PPP4R3B: variants seen among roughly 807,000 people sequenced by gnomAD.
PPP4R3B encodes protein phosphatase 4 regulatory subunit 3B.
PPP4R3B carries 52 observed loss-of-function variants against 95.4 expected under a neutral mutation model. The observed-to-expected ratio is 0.54, with a 90% CI of 0.44 to 0.69. The LOEUF (loss-of-function observed/expected upper bound fraction) is 0.69, where lower values mean the gene tolerates loss of function less well. PPP4R3B is among the 30% of genes least tolerant of loss of function. The pLI is 0.00. For missense variants in PPP4R3B, 1,003 were observed against 1,005.9 expected (o/e 1.00, Z 0.04); for synonymous variants, 407 against 343.9 (o/e 1.18, Z -2.03).
At chr2:55,596,878 C>T (rs556813859) in intron 4 of PPP4R3B, among the ~76,000 whole-genome samples, 5 of 152,108 alleles carry the variant, frequency 3.3e-5, no homozygotes, top group South Asian at 2.1e-4. Context: ...GCAGGAGAAT[C>T]GCTTGAACCC....
intron 13 of PPP4R3B, among the ~76,000 whole-genome samples, chr2:55,565,485 TAGAGGGC>T (rs1269927577): frequency 6.6e-6 from 1 of 152,044 alleles, no homozygotes; most frequent in African/African-American, 2.4e-5. Flanking sequence ...CACGGCTGGT[TAGAGGGC>T]AGATGTTAAA....
At chr2:55,555,274 C>T (rs1204741625) in intron 16 of PPP4R3B, among the ~76,000 whole-genome samples, 6 of 107,160 alleles carry the variant, frequency 5.6e-5, no homozygotes, top group Admixed American at 1.1e-4. Flanking sequence ...AACAAGACTC[C>T]GTCTAAAAAA....
chr2:55,593,451 A>G (rs1015858441), intron 4 of PPP4R3B, among the ~76,000 whole-genome samples: 1 of 152,138 alleles, frequency 6.6e-6, no homozygotes, highest in Non-Finnish European at 1.5e-5. Context: ...TTACATATTC[A>G]CTTGCCTTCT....
At chr2:55,607,913 A>G (rs962820229) in intron 2 of PPP4R3B, among the ~76,000 whole-genome samples, 1 of 152,230 alleles carries the variant, frequency 6.6e-6, no homozygotes, top group African/African-American at 2.4e-5. Context: ...GCTACAATCA[A>G]TGTTTGGTCC....
rs545517387 is a variant in PPP4R3B, at chr2:55,560,778, GAAAAAAAAAAAAAA to G, written c.2261-1824_2261-1811del. ...GGCAACAGAGAGAGACTCCATCTCA[GAAAAAAAAAAAAAA>G]AAAAAAAAAAAAAAAAAAAGAGGCC... On this transcript the variant is annotated intron_variant, in intron 15 of 16. Coordinates refer to ENST00000616407, the MANE Select transcript of PPP4R3B (RefSeq NM_001122964.3). Among the ~76,000 whole-genome samples, 44 of 91,420 alleles carry G rather than the reference GAAAAAAAAAAAAAA, an allele frequency of 4.8e-4. 1 individual carries two copies. The East Asian group carries it at 0.012, about 26-fold the overall frequency. 60.0% of individuals were successfully genotyped at this position (91,420 alleles called of 152,430 possible).
chr2:55,569,051 G>C (rs1461416665), intron 12 of PPP4R3B, among the ~76,000 whole-genome samples: 5 of 151,958 alleles, frequency 3.3e-5, no homozygotes, highest in Admixed American at 6.6e-5. Flanking sequence ...TTAATCATTA[G>C]TTTGCAGTAA....
chr2:55,601,810 T>TATA (rs1463799313), intron 3 of PPP4R3B, among the ~76,000 whole-genome samples: 1 of 152,244 alleles, frequency 6.6e-6, no homozygotes, highest in Non-Finnish European at 1.5e-5. Flanking sequence ...CCAGCTATCT[T>TATA]ATCTATATAA....
At chr2:55,603,209 T>C (rs1446034748) in intron 3 of PPP4R3B, among the ~76,000 whole-genome samples, 1 of 152,148 alleles carries the variant, frequency 6.6e-6, no homozygotes, top group Non-Finnish European at 1.5e-5. Context: ...TGCCTCGGCC[T>C]CCCAAAGCGC....
intron 4 of PPP4R3B, among the ~76,000 whole-genome samples, chr2:55,596,665 T>C (rs1008918019): frequency 2.0e-5 from 3 of 152,150 alleles, no homozygotes; most frequent in African/African-American, 7.2e-5. Flanking sequence ...GGAAAAGGGT[T>C]AAATATAGCT....
At chr2:55,564,637 G>T (rs1192029996) in intron 14 of PPP4R3B, 140 bp from the exon 15 acceptor site, 3 of 803,366 alleles carry the variant, frequency 3.7e-6, no homozygotes, top group Non-Finnish European at 1.9e-6. Context: ...TCTCTGTAAT[G>T]ATAGAAGATG....
intron 16 of PPP4R3B, among the ~76,000 whole-genome samples, chr2:55,550,263 T>G (rs1685101866): frequency 6.6e-6 from 1 of 152,198 alleles, no homozygotes; most frequent in African/African-American, 2.4e-5. Context: ...CTGCAAAATT[T>G]TACTGTGGGA....
chr2:55,603,973 C>G lies in PPP4R3B; in HGVS notation c.297+5G>C. 1 of 1,588,822 alleles carries G rather than the reference C, an allele frequency of 6.3e-7. No homozygotes were observed. The highest frequency in any genetic ancestry group is 1.2e-5 in the South Asian group (1 of 84,792). On this transcript the variant is annotated splice_donor_5th_base_variant and intron_variant, in intron 3 of 16. Transcript: ENST00000616407. ...TTAAGTTAAATATTATAAAAAGAAACTTACCTGACAAATTTTTTCCCAGAT... is the reference window on the plus strand; with the variant it reads ...TTAAGTTAAATATTATAAAAAGAAAGTTACCTGACAAATTTTTTCCCAGAT...
chr2:55,589,543 A>C (rs946500225), intron 4 of PPP4R3B, among the ~76,000 whole-genome samples: 1 of 152,246 alleles, frequency 6.6e-6, no homozygotes, highest in Admixed American at 6.5e-5. Context: ...ACTGCTTTTC[A>C]TACTAATGAC....
In PPP4R3B at chr2:55,617,398, C is replaced by G; in HGVS notation, c.-113G>C. Reference sequence around the variant, plus strand: ...GTGGCGGTGGCGGCGGCGGCGGCTTCGGAGAGGCCCGAATTCACCATGGCT... The same window carrying G: ...GTGGCGGTGGCGGCGGCGGCGGCTTGGGAGAGGCCCGAATTCACCATGGCT... On this transcript the variant is annotated 5_prime_UTR_variant, in exon 1 of 17. Coordinates refer to ENST00000616407, the MANE Select transcript of PPP4R3B (RefSeq NM_001122964.3). The G allele has an allele frequency of 8.0e-7, 1 of 1,243,690 alleles. No homozygotes were observed. Among genetic ancestry groups the G allele is most frequent in the Non-Finnish European group, 1.1e-6 (1 of 945,098 alleles). The allele number at this position is 1,243,690 out of a possible 1,614,324, so 77.0% of individuals were successfully genotyped here.
At chr2:55,593,033 C>T (rs764284825) in intron 4 of PPP4R3B, among the ~76,000 whole-genome samples, 1 of 152,116 alleles carries the variant, frequency 6.6e-6, no homozygotes, top group Non-Finnish European at 1.5e-5. Context: ...GTGGCTGCTG[C>T]CTGTAATCCC....
chr2:55,614,556 T>C (rs924000852), intron 2 of PPP4R3B: 1 of 152,204 alleles, frequency 6.6e-6, no homozygotes, highest in African/African-American at 2.4e-5. Context: ...ATATTATTTA[T>C]GGATACATAC....
At chr2:55,573,538 C>T (rs1688271233) in intron 12 of PPP4R3B, 81 bp downstream of exon 12, 1 of 1,253,342 alleles carries the variant, frequency 8.0e-7, no homozygotes, top group African/African-American at 1.6e-5. Context: ...AGAATATACA[C>T]TGCTAATAAA....
At chr2:55,599,256 G>A (rs376301253) in intron 3 of PPP4R3B, among the ~76,000 whole-genome samples, 1 of 151,926 alleles carries the variant, frequency 6.6e-6, no homozygotes, top group Non-Finnish European at 1.5e-5. Context: ...TGGGCAACAT[G>A]GTGAAACCCC....
chr2:55,562,687 T>C (rs531260246), intron 15 of PPP4R3B, among the ~76,000 whole-genome samples: 3 of 152,342 alleles, frequency 2.0e-5, no homozygotes, highest in African/African-American at 7.2e-5. Context: ...CTTTATTAGC[T>C]AGAATCTTAG....
Sources: allele counts gnomAD v4.1 joint callset (sites outside exome capture counted in the v4.1 genomes callset), GRCh38; gene constraint gnomAD v4.1.1; transcripts MANE v1.5; gene names NCBI Gene and HGNC (gene_info 2026-07-23, HGNC 2026-07-21).